The following PTPRT variants were observed in gnomAD, a reference collection of about 807,000 sequenced individuals.
PTPRT encodes protein tyrosine phosphatase receptor type T.
Under a neutral mutation model 176.8 loss-of-function variants are expected in PTPRT, and 56 were observed. The observed-to-expected ratio is 0.32, with a 90% CI of 0.26 to 0.40. PTPRT has a LOEUF of 0.40. Ranked by LOEUF, PTPRT falls within the 10% of genes least tolerant of loss-of-function variation. The probability of loss-of-function intolerance (pLI) is 1.00; values close to 1 mark genes in which losing one functional copy is unlikely to be tolerated. For synonymous variants in PTPRT, 783 were observed against 739.0 expected, an observed-to-expected ratio of 1.06 and a Z score of -0.96; for missense variants, 1,540 against 1,908.2, an observed-to-expected ratio of 0.81 and a Z score of 3.60.
At chr20:42,508,463 A>G (rs1003603394) in intron 7 of PTPRT, among the ~76,000 whole-genome samples, 1 of 152,162 alleles carries the variant, frequency 6.6e-6, no homozygotes, top group African/African-American at 2.4e-5. Flanking sequence ...GTAGAGCACT[A>G]TTCTTTATAA....
chr20:42,243,078 A>G (rs2056385875), intron 14 of PTPRT, among the ~76,000 whole-genome samples: 1 of 151,604 alleles, frequency 6.6e-6, no homozygotes, highest in African/African-American at 2.4e-5. Flanking sequence ...AGGGGGAGAA[A>G]GAGAGAGAGA....
chr20:42,733,983 C>T (rs2146271765), intron 6 of PTPRT, among the ~76,000 whole-genome samples: 1 of 152,310 alleles, frequency 6.6e-6, no homozygotes, highest in Middle Eastern at 3.4e-3. Context: ...CCAGGAGTCT[C>T]AACTGGGAAG....
chr20:42,714,823 T>C (rs1213090244), intron 6 of PTPRT, among the ~76,000 whole-genome samples: 2 of 152,138 alleles, frequency 1.3e-5, no homozygotes, highest in African/African-American at 4.8e-5. Context: ...CATCTGGAAT[T>C]TGTGAGGAAG....
intron 9 of PTPRT, among the ~76,000 whole-genome samples, chr20:42,388,068 C>T (rs886307440): frequency 3.9e-5 from 6 of 152,274 alleles, no homozygotes; most frequent in East Asian, 3.9e-4. Flanking sequence ...GGATTACAGG[C>T]GTGAGTCACC....
At chr20:42,471,089 A>G (rs1568908818) in intron 8 of PTPRT, among the ~76,000 whole-genome samples, 1 of 152,210 alleles carries the variant, frequency 6.6e-6, no homozygotes, top group East Asian at 1.9e-4. Context: ...GATGACTGTC[A>G]TCCAGCCAGA....
At chr20:42,365,915 A>G (rs1160909622) in intron 9 of PTPRT, among the ~76,000 whole-genome samples, 2 of 152,168 alleles carry the variant, frequency 1.3e-5, no homozygotes, top group African/African-American at 4.8e-5. Flanking sequence ...ACCAATGCTA[A>G]TATTGGAGTT....
intron 11 of PTPRT, among the ~76,000 whole-genome samples, chr20:42,333,383 A>G (rs2057994622): frequency 6.6e-6 from 1 of 152,142 alleles, no homozygotes; most frequent in African/African-American, 2.4e-5. Flanking sequence ...CCAGGCTGGA[A>G]TGCAGTGGTG....
At chr20:43,006,253 A>G (rs1415205525) in intron 1 of PTPRT, among the ~76,000 whole-genome samples, 1 of 152,262 alleles carries the variant, frequency 6.6e-6, no homozygotes, top group East Asian at 1.9e-4. Flanking sequence ...ACTCCTCCCC[A>G]TGAGTATAAC....
At chr20:42,341,532 C>T (rs1366044418) in intron 11 of PTPRT, among the ~76,000 whole-genome samples, 2 of 152,200 alleles carry the variant, frequency 1.3e-5, no homozygotes, top group African/African-American at 4.8e-5. Flanking sequence ...TTGGCCAGTC[C>T]TTCTCCATCT....
At chr20:43,163,129 CAA>C (rs1288297469) in intron 1 of PTPRT, among the ~76,000 whole-genome samples, 3 of 152,190 alleles carry the variant, frequency 2.0e-5, no homozygotes, top group Non-Finnish European at 4.4e-5. Context: ...GCAATCCTTA[CAA>C]AAGTTTGCCC....
intron 6 of PTPRT, among the ~76,000 whole-genome samples, chr20:42,700,551 C>T (rs910668689): frequency 3.9e-5 from 6 of 152,150 alleles, no homozygotes; most frequent in East Asian, 1.9e-4. Context: ...TTAAACAAGC[C>T]GACCTTATTA....
intron 5 of PTPRT, among the ~76,000 whole-genome samples, chr20:42,767,804 TA>T (rs1346832349): frequency 6.8e-6 from 1 of 146,434 alleles, no homozygotes; most frequent in Non-Finnish European, 1.5e-5. Context: ...ATATTACATA[TA>T]ATTATATATT....
rs554402688 is a variant in PTPRT, at chr20:42,822,755, C to G, written c.215-31289G>C. Among the ~76,000 whole-genome samples the G allele has an allele frequency of 5.9e-5, 9 of 152,294 alleles. No individual in the cohort carries two copies. The South Asian group carries it at 1.7e-3, about 28-fold the overall frequency. ...GCAAAGGATATGAACAGACACTTCT[C>G]AAACGAAGACATTTACGCAGCCAAC... On this transcript the variant is annotated intron_variant, in intron 2 of 30. Transcript: ENST00000373187.
chr20:42,230,003 C>T (rs1324543984), intron 15 of PTPRT, among the ~76,000 whole-genome samples: 1 of 152,150 alleles, frequency 6.6e-6, no homozygotes, highest in Non-Finnish European at 1.5e-5. Context: ...GGAGAATACC[C>T]TAATGAGCAA....
At chr20:42,354,106 T>C (rs929447953) in intron 9 of PTPRT, among the ~76,000 whole-genome samples, 16 of 152,044 alleles carry the variant, frequency 1.1e-4, no homozygotes, top group Non-Finnish European at 2.4e-4. Flanking sequence ...CAGAAAAGCA[T>C]AACTCTTGAT....
rs1401288390 is a variant in PTPRT at position 42,508,917 on chromosome 20, AAATATAAATAATAT to A, written c.1154-36369_1154-36356del. The stretch of plus-strand genomic sequence containing the variant: ...TATAAATATAAATAATATAATTTAT[AAATATAAATAATAT>A]AATTTATAAATATAATTTATATTTA... On this transcript the variant is annotated intron_variant, in intron 7 of 30. Coordinates refer to ENST00000373187, the MANE Select transcript of PTPRT (RefSeq NM_007050.6). Among the ~76,000 whole-genome samples, 5 of 145,250 alleles carry A rather than the reference AAATATAAATAATAT, an allele frequency of 3.4e-5. No homozygotes were observed. The Admixed American group carries it at 3.5e-4, about 10-fold the overall frequency.
chr20:43,039,286 A>T (rs1986510388), intron 1 of PTPRT, among the ~76,000 whole-genome samples: 2 of 152,196 alleles, frequency 1.3e-5, no homozygotes, highest in South Asian at 2.1e-4. Context: ...CATGTCCTGT[A>T]AGTAGAAAAC....
intron 15 of PTPRT, among the ~76,000 whole-genome samples, chr20:42,212,052 A>C (rs1248027386): frequency 6.7e-6 from 1 of 149,274 alleles, no homozygotes; most frequent in Non-Finnish European, 1.5e-5. Flanking sequence ...CAAGAAAAAA[A>C]AACCAAACAC....
chr20:42,511,154 T>A (rs1427032048), intron 7 of PTPRT, among the ~76,000 whole-genome samples: 1 of 152,104 alleles, frequency 6.6e-6, no homozygotes, highest in African/African-American at 2.4e-5. Context: ...TCCTCACCAA[T>A]AAGAAGGTTC....
Sources: gnomAD v4.1 joint callset for allele counts (sites outside exome capture counted in the v4.1 genomes callset) on GRCh38, gnomAD v4.1.1 for gene constraint, MANE v1.5 for transcripts, NCBI Gene and HGNC (gene_info 2026-07-23, HGNC 2026-07-21) for gene names.